The following LUZP2 variants were observed in gnomAD, a reference collection of about 807,000 sequenced individuals.
LUZP2 encodes leucine zipper protein 2.
LUZP2 carries 52 observed loss-of-function variants against 51.6 expected under a neutral mutation model. The observed-to-expected ratio is 1.01, with a 90% CI of 0.81 to 1.27. The LOEUF (loss-of-function observed/expected upper bound fraction) is 1.27, where lower values mean the gene tolerates loss of function less well. LUZP2 is among the 50% of genes most tolerant of loss of function. The probability of loss-of-function intolerance (pLI) is 0.00; values close to 1 mark genes in which losing one functional copy is unlikely to be tolerated. For missense variants in LUZP2, 436 were observed against 395.4 expected (o/e 1.10, Z -0.87); for synonymous variants, 154 against 137.3 (o/e 1.12, Z -0.85).
intron 5 of LUZP2, among the ~76,000 whole-genome samples, chr11:24,896,660 C>T (rs552633142): frequency 9.9e-5 from 15 of 152,212 alleles, no homozygotes; most frequent in South Asian, 6.2e-4. Flanking sequence ...TCCCATGGAC[C>T]GCCCAAGGGT....
At position 24,847,366 on chromosome 11, in the gene LUZP2, T is replaced by C. The variant is rs190290129; in HGVS notation, c.397-58625T>C. On this transcript the variant is annotated intron_variant, in intron 5 of 11. Coordinates refer to ENST00000336930, the MANE Select transcript of LUZP2 (RefSeq NM_001009909.4). ...GGTACTGAGTGATTCCTCAGTTTTT[T>C]CAATCTTTTATGATCTTCATAGATT... Among the ~76,000 whole-genome samples, 408 of 152,306 alleles carry C rather than the reference T, an allele frequency of 2.7e-3. 1 individual carries two copies. The highest frequency in any genetic ancestry group is 8.8e-3 in the African/African-American group (365 of 41,582).
intron 1 of LUZP2, among the ~76,000 whole-genome samples, chr11:24,693,942 A>C (rs1030986740): frequency 3.3e-5 from 5 of 152,104 alleles, no homozygotes; most frequent in Non-Finnish European, 5.9e-5. Flanking sequence ...AAAAGGATTA[A>C]TAATAACCCA....
chr11:24,585,278 T>A (rs1045271583), intron 1 of LUZP2, among the ~76,000 whole-genome samples: 14 of 152,142 alleles, frequency 9.2e-5, no homozygotes, highest in African/African-American at 3.4e-4. Context: ...ACCTCACTAT[T>A]GTTTTTAATG....
intron 1 of LUZP2, among the ~76,000 whole-genome samples, chr11:24,704,308 A>C (rs150575824): frequency 0.028 from 4,271 of 152,240 alleles, 198 homozygotes; most frequent in African/African-American, 0.096. Flanking sequence ...AATCAATGCA[A>C]TATTGAACAA....
At chr11:24,857,304 CATATATAT>C (rs1320538501) in intron 5 of LUZP2, among the ~76,000 whole-genome samples, 22 of 47,758 alleles carry the variant, frequency 4.6e-4, no homozygotes, top group African/African-American at 1.6e-3. Context: ...TATATATATA[CATATATAT>C]ACACACACAC....
chr11:24,879,113 T>G (rs1852370168), intron 5 of LUZP2, among the ~76,000 whole-genome samples: 1 of 151,874 alleles, frequency 6.6e-6, no homozygotes, highest in East Asian at 1.9e-4. Context: ...CCCGGCTAAT[T>G]TTTTGTATTT....
chr11:24,568,559 G>A (rs182984342), intron 1 of LUZP2, among the ~76,000 whole-genome samples: 68 of 151,880 alleles, frequency 4.5e-4, no homozygotes, highest in African/African-American at 1.6e-3. Context: ...CAGAATTGAA[G>A]GGAGAACTTT....
chr11:24,606,030 G>A (rs1853905216), intron 1 of LUZP2, among the ~76,000 whole-genome samples: 1 of 151,792 alleles, frequency 6.6e-6, no homozygotes, highest in Non-Finnish European at 1.5e-5. Flanking sequence ...ACAAATGACA[G>A]AATCTTCATA....
At position 24,826,190 on chromosome 11, in the gene LUZP2, AAT is replaced by A. The variant is rs1158935544; in HGVS notation, c.396+62900_396+62901del. ...GACTCCATCTCAAAAAAAAAAAAAA[AAT>A]ATATATATATATATATAGTAAAAGT... On this transcript the variant is annotated intron_variant, in intron 5 of 11. Coordinates refer to ENST00000336930, the MANE Select transcript of LUZP2 (RefSeq NM_001009909.4). Among the ~76,000 whole-genome samples the A allele has an allele frequency of 1.5e-3, 101 of 67,536 alleles. 3 individuals are homozygous for A. Among genetic ancestry groups the A allele is most frequent in the South Asian group, 4.8e-3 (9 of 1,892 alleles). 44.3% of individuals were successfully genotyped at this position (67,536 alleles called of 152,430 possible).
rs151151269 is a variant in LUZP2 at position 24,620,717 on chromosome 11, A to T, written c.63-108452A>T. On this transcript the variant is annotated intron_variant, in intron 1 of 11. Coordinates refer to ENST00000336930, the MANE Select transcript of LUZP2 (RefSeq NM_001009909.4). Reference sequence around the variant, plus strand: ...AAAGTAAGTCCTGTGAGAAACACCCATAAGTACATGCTCCAGAATGGACAT... The same window carrying T: ...AAAGTAAGTCCTGTGAGAAACACCCTTAAGTACATGCTCCAGAATGGACAT... 3.5e-4 allele frequency among the ~76,000 whole-genome samples: 53 copies of T among 152,312 alleles called. No homozygotes were observed. In the East Asian group the frequency reaches 0.01, roughly 29 times the overall value.
At chr11:24,670,355 T>G (rs958961670) in intron 1 of LUZP2, among the ~76,000 whole-genome samples, 3 of 152,088 alleles carry the variant, frequency 2.0e-5, no homozygotes, top group African/African-American at 7.2e-5. Flanking sequence ...CACTACAAGT[T>G]AACCCTAGAA....
At chr11:24,842,906 A>C (rs924054842) in intron 5 of LUZP2, among the ~76,000 whole-genome samples, 1 of 151,892 alleles carries the variant, frequency 6.6e-6, no homozygotes, top group African/African-American at 2.4e-5. Context: ...CTAAGCAAAG[A>C]AGTAATAGAG....
chr11:24,801,035 G>A (rs995741685), intron 5 of LUZP2, among the ~76,000 whole-genome samples: 1 of 152,102 alleles, frequency 6.6e-6, no homozygotes, highest in African/African-American at 2.4e-5. Context: ...GCCTGTTTTT[G>A]TTTCATTCTT....
At chr11:24,760,022 G>A (rs1859924404) in intron 4 of LUZP2, among the ~76,000 whole-genome samples, 1 of 152,094 alleles carries the variant, frequency 6.6e-6, no homozygotes, top group South Asian at 2.1e-4. Context: ...GTCCAGAAAG[G>A]CAGGACAACT....
intron 1 of LUZP2, among the ~76,000 whole-genome samples, chr11:24,688,653 G>A (rs1459711005): frequency 6.6e-6 from 1 of 152,068 alleles, no homozygotes; most frequent in African/African-American, 2.4e-5. Flanking sequence ...ACCACTTGCT[G>A]ACACTTTTAC....
At chr11:24,757,226 T>C (rs1406792643) in intron 4 of LUZP2, among the ~76,000 whole-genome samples, 5 of 152,158 alleles carry the variant, frequency 3.3e-5, no homozygotes, top group African/African-American at 4.8e-5. Context: ...CCACACCCAG[T>C]AGATTTACAG....
intron 1 of LUZP2, among the ~76,000 whole-genome samples, chr11:24,655,443 C>G (rs558921141): frequency 6.6e-6 from 1 of 151,844 alleles, no homozygotes; most frequent in Admixed American, 6.6e-5. Context: ...CGGAAATAAA[C>G]TGCAATTGAG....
At chr11:25,007,504 G>A (rs1029031463) in intron 9 of LUZP2, among the ~76,000 whole-genome samples, 51 of 152,160 alleles carry the variant, frequency 3.4e-4, no homozygotes, top group African/African-American at 1.2e-3. Context: ...TCAGGAGGCT[G>A]AGGTAGGAGA....
intron 1 of LUZP2, among the ~76,000 whole-genome samples, chr11:24,613,118 C>G (rs995083025): frequency 6.6e-6 from 1 of 152,134 alleles, no homozygotes; most frequent in African/African-American, 2.4e-5. Flanking sequence ...AACCAAAAAA[C>G]AGCTACTGGA....
Sources: gnomAD v4.1 joint callset for allele counts (sites outside exome capture counted in the v4.1 genomes callset) on GRCh38, gnomAD v4.1.1 for gene constraint, MANE v1.5 for transcripts, NCBI Gene and HGNC (gene_info 2026-07-23, HGNC 2026-07-21) for gene names.